The following FOXN4 variants were observed in gnomAD, a reference collection of about 807,000 sequenced individuals.
FOXN4 encodes the protein forkhead box N4.
A neutral mutation model predicts 45.0 loss-of-function variants in FOXN4; 12 were observed. The ratio of observed to expected loss-of-function variants is 0.27; its 90% CI spans 0.17 to 0.43. The LOEUF is 0.43. Among genes scored for constraint, FOXN4 ranks in the 20% least tolerant of loss-of-function variants. The pLI is 1.00. For missense variants in FOXN4, 560 were observed against 694.9 expected (o/e 0.81, Z 2.18); for synonymous variants, 297 against 295.0 (o/e 1.01, Z -0.07).
At position 109,304,295 on chromosome 12, in the gene FOXN4, G is replaced by GAGA. The variant is rs1555244325; in HGVS notation, c.86+3940_86+3941insTCT. Among the ~76,000 whole-genome samples the GAGA allele has an allele frequency of 2.5e-3, 101 of 40,048 alleles. 5 individuals are homozygous for GAGA. Among genetic ancestry groups the GAGA allele is most frequent in the Non-Finnish European group, 1.9e-3 (36 of 19,158 alleles). The allele number at this position is 40,048 out of a possible 152,430, so 26.3% of individuals were successfully genotyped here. A position where few individuals can be genotyped will look rare whatever the true frequency, so the allele number is the denominator to read the frequency against. On this transcript the variant is annotated intron_variant, in intron 2 of 9. Coordinates refer to ENST00000299162, the MANE Select transcript of FOXN4 (RefSeq NM_213596.3). ...AGAAAGAAAGAAAGAAAGAAAGAAAGGAGAAAGAAAGAAGGAAAGAAGGAA... is the reference window on the plus strand; with the variant it reads ...AGAAAGAAAGAAAGAAAGAAAGAAAGAGAGAGAAAGAAAGAAGGAAAGAAGGAA...
intron 2 of FOXN4, among the ~76,000 whole-genome samples, chr12:109,299,801 T>A (rs760914487): frequency 9.9e-5 from 15 of 152,242 alleles, no homozygotes; most frequent in Non-Finnish European, 1.6e-4. Context: ...ATGTGCTTAT[T>A]ACTTCATGGG....
At chr12:109,307,182 G>A (rs2047928642) in intron 2 of FOXN4, among the ~76,000 whole-genome samples, 1 of 152,222 alleles carries the variant, frequency 6.6e-6, no homozygotes. Flanking sequence ...CCCTCTAATT[G>A]CGGGCTGCGG....
At chr12:109,293,002 C>T (rs1478511655) in intron 2 of FOXN4, among the ~76,000 whole-genome samples, 1 of 152,132 alleles carries the variant, frequency 6.6e-6, no homozygotes, top group Admixed American at 6.5e-5. Flanking sequence ...CAGCCCCACT[C>T]CTTCTGCAGC....
At chr12:109,286,872 A>G in intron 6 of FOXN4, 128 bp from the exon 7 acceptor site, 2 of 1,444,242 alleles carry the variant, frequency 1.4e-6, no homozygotes, top group Non-Finnish European at 1.8e-6. Flanking sequence ...CTAAACACTC[A>G]CACACAGTGA....
chr12:109,281,469 C>G lies in FOXN4; in HGVS notation c.1232G>C (p.Ser411Thr). 1 of 1,613,984 alleles carries G rather than the reference C, an allele frequency of 6.2e-7. No homozygotes were observed. Among genetic ancestry groups the G allele is most frequent in the African/African-American group, 1.3e-5 (1 of 75,032 alleles). The change falls in exon 9 of 10, where the codon AGC becomes ACC. Residue 411 changes from serine to threonine, a missense_variant. Physicochemically the swap from Ser to Thr is moderately conservative, Grantham distance 58. Around this residue, in one of 5 missense-constraint regions of FOXN4, gnomAD observed 315 missense variants for 350.5 expected, o/e 0.90. Transcript: ENST00000299162. ...ATCCACCTCAGTGTTCATGTCGGTGCTGATGTTGATGAAGTCTACAGGAGC... is the reference window on the plus strand; with the variant it reads ...ATCCACCTCAGTGTTCATGTCGGTGGTGATGTTGATGAAGTCTACAGGAGC... ...GRAPVDFINISTDMNTEVDAL... is the reference protein window; with the variant it reads ...GRAPVDFINITTDMNTEVDAL...
chr12:109,281,428 T>TAGGTGG lies in FOXN4; in HGVS notation c.1272_1273insCCACCT (p.Ser424_Ile425insProPro). On this transcript the variant is annotated inframe_insertion, in exon 9 of 10. Coordinates refer to ENST00000299162, the MANE Select transcript of FOXN4 (RefSeq NM_213596.3). ...TCACCCTGCAGAGCGAAGTCCATGA[T>TAGGTGG]GCTCGGGTCGAGGGCATCCACCTCA... The TAGGTGG allele has an allele frequency of 6.2e-7, 1 of 1,613,986 alleles. No homozygotes were observed. Among genetic ancestry groups the TAGGTGG allele is most frequent in the Non-Finnish European group, 8.5e-7 (1 of 1,179,890 alleles).
chr12:109,295,235 G>C (rs2047806367), intron 2 of FOXN4, among the ~76,000 whole-genome samples: 1 of 152,176 alleles, frequency 6.6e-6, no homozygotes, highest in African/African-American at 2.4e-5. Flanking sequence ...CACAGAGAGA[G>C]ACCCTAAATC....
At position 109,286,640 on chromosome 12, in the gene FOXN4, G is replaced by T; in HGVS notation, c.693+8C>A. 1.2e-6 allele frequency: 2 copies of T among 1,604,742 alleles called. No homozygotes were observed. The highest frequency in any genetic ancestry group is 1.7e-5 in the Admixed American group (1 of 58,704). On this transcript the variant is annotated splice_region_variant and intron_variant, in intron 7 of 9. Coordinates refer to ENST00000299162, the MANE Select transcript of FOXN4 (RefSeq NM_213596.3). ...GCTCCAGCACCCCTACCCTAGCTTG[G>T]GACTCACCTTGAAGTAGGGGAAGTG...
chr12:109,305,729 C>A (rs561144624), intron 2 of FOXN4, among the ~76,000 whole-genome samples: 95 of 151,780 alleles, frequency 6.3e-4, no homozygotes, highest in African/African-American at 1.8e-3. Context: ...CTCACACACA[C>A]AAAAAAAACA....
At chr12:109,293,651 C>T (rs1302150802) in intron 2 of FOXN4, among the ~76,000 whole-genome samples, 1 of 152,208 alleles carries the variant, frequency 6.6e-6, no homozygotes, top group Non-Finnish European at 1.5e-5. Context: ...GCACGCGCCA[C>T]CACGCTGGGC....
At chr12:109,286,781 G>C in intron 6 of FOXN4, 37 bp from the exon 7 acceptor site, 1 of 1,580,688 alleles carries the variant, frequency 6.3e-7, no homozygotes, top group Non-Finnish European at 8.5e-7. Flanking sequence ...GGGCAGGGCA[G>C]GACAGGGCAG....
Position 109,281,738 on chromosome 12 carries a change from C to T in FOXN4, c.963G>A (p.Gly321=). The T allele has an allele frequency of 1.9e-6, 3 of 1,606,908 alleles. No homozygotes were observed. Among genetic ancestry groups the T allele is most frequent in the Non-Finnish European group, 2.5e-6 (3 of 1,176,698 alleles). ...PESCRRPGKP[G]EPEAPVLTHA... is the part of the protein sequence containing the mutation. Reference sequence around the variant, plus strand: ...GAGTCAGCACGGGGGCCTCTGGTTCCCCCGGTTTGCCGGGGCGCCGGCAGC... The same window carrying T: ...GAGTCAGCACGGGGGCCTCTGGTTCTCCCGGTTTGCCGGGGCGCCGGCAGC... The change falls in exon 9 of 10, where the codon GGG becomes GGA. Residue 321 remains glycine, a synonymous_variant. Coordinates refer to ENST00000299162, the MANE Select transcript of FOXN4 (RefSeq NM_213596.3).
intron 2 of FOXN4, among the ~76,000 whole-genome samples, chr12:109,299,664 G>A (rs1199388576): frequency 6.6e-6 from 1 of 152,228 alleles, no homozygotes; most frequent in African/African-American, 2.4e-5. Context: ...CCCTTTTGAA[G>A]GGACGGAACA....
intron 2 of FOXN4, among the ~76,000 whole-genome samples, chr12:109,301,305 C>A (rs1003209509): frequency 6.6e-6 from 1 of 152,124 alleles, no homozygotes; most frequent in African/African-American, 2.4e-5. Flanking sequence ...ACCATAGGTG[C>A]CATGTTTGGC....
intron 1 of FOXN4, among the ~76,000 whole-genome samples, chr12:109,308,791 T>A (rs1006038835): frequency 3.3e-5 from 5 of 152,198 alleles, no homozygotes; most frequent in African/African-American, 1.2e-4. Flanking sequence ...CGCAAGCTCC[T>A]GCCCTGAAAT....
chr12:109,306,467 T>G (rs2047922947), intron 2 of FOXN4, among the ~76,000 whole-genome samples: 1 of 152,202 alleles, frequency 6.6e-6, no homozygotes, highest in South Asian at 2.1e-4. Flanking sequence ...GTCTTTGAGC[T>G]CTTAAAGCCA....
In FOXN4 at chr12:109,299,138, CA is replaced by C. The variant is rs553198177; in HGVS notation, c.87-8853del. Among the ~76,000 whole-genome samples, 7 of 152,190 alleles carry C rather than the reference CA, an allele frequency of 4.6e-5. No individual in the cohort carries two copies. In the East Asian group the frequency reaches 1.4e-3, roughly 29 times the overall value. On this transcript the variant is annotated intron_variant, in intron 2 of 9. Coordinates refer to ENST00000299162, the MANE Select transcript of FOXN4 (RefSeq NM_213596.3). ...CCCACAGGGAGTCCTCATTGGTGAGCAGAGAGCTTTTTGGGCAAAAAGAACA... is the reference window on the plus strand; with the variant it reads ...CCCACAGGGAGTCCTCATTGGTGAGCGAGAGCTTTTTGGGCAAAAAGAACA...
intron 6 of FOXN4, chr12:109,286,968 G>T: frequency 8.5e-7 from 1 of 1,180,022 alleles, no homozygotes; most frequent in Non-Finnish European, 1.1e-6. Flanking sequence ...GTACTGACTT[G>T]AGAAATCTTA....
At position 109,286,598 on chromosome 12, in the gene FOXN4, A is replaced by T. The variant is rs746366571; in HGVS notation, c.693+50T>A. 3.2e-6 allele frequency: 5 copies of T among 1,552,606 alleles called. No individual in the cohort carries two copies. The East Asian group carries it at 9.4e-5, about 29-fold the overall frequency. On this transcript the variant is annotated intron_variant, in intron 7 of 9. Coordinates refer to ENST00000299162, the MANE Select transcript of FOXN4 (RefSeq NM_213596.3). ...GCCAGCCCTGGATTCTGGCAGCACC[A>T]GGAAGAGACCAGGGCAGCTCCAGCA...
Sources: gnomAD v4.1 joint callset for allele counts (sites outside exome capture counted in the v4.1 genomes callset) on GRCh38, gnomAD v4.1.1 for gene constraint, gnomAD v4.1.1 regional missense constraint, MANE v1.5 for transcripts, NCBI Gene and HGNC (gene_info 2026-07-23, HGNC 2026-07-21) for gene names.